The following BMP6 variants were observed in gnomAD, a reference collection of about 807,000 sequenced individuals.
BMP6 encodes VG-1-R.
BMP6 carries 17 observed loss-of-function variants against 54.1 expected under a neutral mutation model. The ratio of observed to expected loss-of-function variants is 0.31; its 90% CI spans 0.22 to 0.47. The LOEUF (loss-of-function observed/expected upper bound fraction) is 0.47, where lower values mean the gene tolerates loss of function less well. Among genes scored for constraint, BMP6 ranks in the 20% least tolerant of loss-of-function variants. BMP6 has a pLI of 1.00. For missense variants in BMP6, 720 were observed against 690.4 expected (o/e 1.04, Z -0.48); for synonymous variants, 328 against 291.2 (o/e 1.13, Z -1.28).
chr6:7,842,417 C>T (rs1758988715), intron 1 of BMP6, among the ~76,000 whole-genome samples: 1 of 152,178 alleles, frequency 6.6e-6, no homozygotes, highest in African/African-American at 2.4e-5. Flanking sequence ...TCTCCTCTCC[C>T]ACCCCTCTGT....
chr6:7,736,723 G>A (rs540806100), intron 1 of BMP6, among the ~76,000 whole-genome samples: 39 of 152,286 alleles, frequency 2.6e-4, no homozygotes, highest in South Asian at 8.3e-4. Flanking sequence ...GATATTAGGG[G>A]TTTGTGTTTA....
intron 4 of BMP6, among the ~76,000 whole-genome samples, chr6:7,864,042 G>T (rs1759379325): frequency 6.6e-6 from 1 of 151,394 alleles, no homozygotes. Flanking sequence ...TCCCCAGTGT[G>T]TTTTTAGGAA....
chr6:7,843,680 G>A (rs1297181009), intron 1 of BMP6, among the ~76,000 whole-genome samples: 1 of 152,052 alleles, frequency 6.6e-6, no homozygotes, highest in Non-Finnish European at 1.5e-5. Flanking sequence ...TGACTCTGGG[G>A]AAAAGAGTCA....
chr6:7,853,522 C>T (rs976638866), intron 2 of BMP6, among the ~76,000 whole-genome samples: 1 of 152,156 alleles, frequency 6.6e-6, no homozygotes, highest in Non-Finnish European at 1.5e-5. Flanking sequence ...AAAGTTCACC[C>T]TTTTTAGATA....
At chr6:7,859,487 G>A (rs544180393) in intron 2 of BMP6, among the ~76,000 whole-genome samples, 9 of 151,852 alleles carry the variant, frequency 5.9e-5, no homozygotes, top group Admixed American at 1.3e-4. Flanking sequence ...CATTCTGCCC[G>A]TGACACCGAT....
rs76296293 is a variant in BMP6, at chr6:7,783,285, A to G, written c.664+55666A>G. On this transcript the variant is annotated intron_variant, in intron 1 of 6. Coordinates refer to ENST00000283147, the MANE Select transcript of BMP6 (RefSeq NM_001718.6). ...ATGGATGATTGAAAAGGTAAAGTGG[A>G]ACTATCTTCTCCATAAGACTGTTGT... Among the ~76,000 whole-genome samples, 1,004 of 152,318 alleles carry G rather than the reference A, an allele frequency of 6.6e-3. 6 individuals carry two copies. The highest frequency in any genetic ancestry group is 0.011 in the Non-Finnish European group (739 of 68,016).
chr6:7,780,518 C>T, intron 1 of BMP6, among the ~76,000 whole-genome samples: 1 of 151,128 alleles, frequency 6.6e-6, no homozygotes, highest in Non-Finnish European at 1.5e-5. Context: ...CATTGCACTC[C>T]AGCCTGGACA....
chr6:7,797,655 G>A (rs1758210438), intron 1 of BMP6, among the ~76,000 whole-genome samples: 2 of 152,108 alleles, frequency 1.3e-5, no homozygotes, highest in South Asian at 4.2e-4. Context: ...TTTTCTCAGT[G>A]GGTCTGTAAA....
intron 1 of BMP6, among the ~76,000 whole-genome samples, chr6:7,804,284 CTT>C (rs35888811): frequency 6.7e-6 from 1 of 149,312 alleles, no homozygotes; most frequent in Non-Finnish European, 1.5e-5. Context: ...GTTAAAGTAA[CTT>C]TTTTTTTTTT....
intron 1 of BMP6, among the ~76,000 whole-genome samples, chr6:7,760,873 G>A (rs751236058): frequency 6.6e-6 from 1 of 152,200 alleles, no homozygotes; most frequent in Non-Finnish European, 1.5e-5. Flanking sequence ...GCTGTTATGC[G>A]GAGCCTCCAA....
At chr6:7,793,111 G>A (rs1302248606) in intron 1 of BMP6, among the ~76,000 whole-genome samples, 2 of 152,062 alleles carry the variant, frequency 1.3e-5, no homozygotes, top group Non-Finnish European at 2.9e-5. Flanking sequence ...TCGATTAAGA[G>A]TTTTTTTCAG....
intron 1 of BMP6, among the ~76,000 whole-genome samples, chr6:7,806,615 A>G (rs2876113): frequency 6.6e-6 from 1 of 152,040 alleles, no homozygotes; most frequent in African/African-American, 2.4e-5. Context: ...ACAAAAAAAA[A>G]CAAGTGATTT....
intron 1 of BMP6, among the ~76,000 whole-genome samples, chr6:7,756,202 TTTTG>T (rs1397915323): frequency 6.6e-6 from 1 of 152,158 alleles, no homozygotes; most frequent in Non-Finnish European, 1.5e-5. Flanking sequence ...TTTTGTTTTG[TTTTG>T]TTTCCTCTCT....
chr6:7,792,131 A>G (rs1228546796), intron 1 of BMP6, among the ~76,000 whole-genome samples: 1 of 152,198 alleles, frequency 6.6e-6, no homozygotes, highest in Non-Finnish European at 1.5e-5. Flanking sequence ...GGCAGGCTGT[A>G]AACTCAGGCG....
intron 5 of BMP6, 106 bp downstream of exon 5, chr6:7,879,256 C>T: frequency 8.5e-7 from 1 of 1,181,516 alleles, no homozygotes; most frequent in Non-Finnish European, 1.2e-6. Context: ...GAAGGCTGAG[C>T]TGCTTCCTTC....
chr6:7,851,863 A>G (rs904192510), intron 2 of BMP6, among the ~76,000 whole-genome samples: 1 of 152,164 alleles, frequency 6.6e-6, no homozygotes, highest in Non-Finnish European at 1.5e-5. Flanking sequence ...TGTGTCTGCC[A>G]TATTAAATGA....
chr6:7,832,737 T>G (rs1758811498), intron 1 of BMP6, among the ~76,000 whole-genome samples: 1 of 147,514 alleles, frequency 6.8e-6, no homozygotes, highest in Non-Finnish European at 1.5e-5. Flanking sequence ...GCTTTAATTA[T>G]CTAGGATGAC....
At position 7,727,254 on chromosome 6, in the gene BMP6, A is replaced by G. The variant is rs780705858; in HGVS notation, c.299A>G (p.Gln100Arg). 4 of 1,606,082 alleles carry G rather than the reference A, an allele frequency of 2.5e-6. No homozygotes were observed. The highest frequency in any genetic ancestry group is 3.4e-6 in the Non-Finnish European group (4 of 1,177,048). Residue 100 changes from glutamine (Q) to arginine (R), a missense_variant, in exon 1 of 7, where the codon CAA becomes CGA. Transcript: ENST00000283147. The stretch of plus-strand genomic sequence containing the variant: ...CGGCCCCGGCCCCTGCACGGCCTCC[A>G]ACAGCCGCAGCCCCCGGCGCTCCGG... ...PHRPRPLHGL[Q>R]QPQPPALRQQ...
intron 1 of BMP6, among the ~76,000 whole-genome samples, chr6:7,753,041 A>C (rs1185694258): frequency 6.6e-6 from 1 of 152,100 alleles, no homozygotes; most frequent in African/African-American, 2.4e-5. Flanking sequence ...TACATTATAT[A>C]ATGGTAAGAG....
Sources: gnomAD v4.1 joint callset for allele counts (sites outside exome capture counted in the v4.1 genomes callset) on GRCh38, gnomAD v4.1.1 for gene constraint, MANE v1.5 for transcripts, NCBI Gene and HGNC (gene_info 2026-07-23, HGNC 2026-07-21) for gene names.